The following FAT3 variants were observed in gnomAD, a reference collection of about 807,000 sequenced individuals.
FAT3 encodes FAT atypical cadherin 3.
FAT3 carries 95 observed loss-of-function variants against 310.2 expected under a neutral mutation model. The ratio of observed to expected loss-of-function variants is 0.31; its 90% CI spans 0.26 to 0.36. The LOEUF is 0.36. FAT3 is among the 10% of genes least tolerant of loss of function. The pLI, the probability that FAT3 is intolerant of heterozygous loss-of-function variation, is 1.00. For missense variants in FAT3, 5,408 were observed against 5,715.6 expected, an observed-to-expected ratio of 0.95 and a Z score of 1.74; for synonymous variants, 2,314 against 2,192.9, an observed-to-expected ratio of 1.06 and a Z score of -1.54.
chr11:92,366,767 C>T (rs1349168660), intron 2 of FAT3: 1 of 532,448 alleles, frequency 1.9e-6, no homozygotes, highest in Non-Finnish European at 3.8e-6. Context: ...GAGTAGAGCT[C>T]TGGTGGTAGT....
chr11:92,263,618 AGTGTGT>A (rs555917659), intron 1 of FAT3, among the ~76,000 whole-genome samples: 4 of 147,482 alleles, frequency 2.7e-5, no homozygotes, highest in Non-Finnish European at 4.5e-5. Flanking sequence ...TTTGAATATA[AGTGTGT>A]GTGTGTGTGT....
Position 92,895,210 on chromosome 11 carries a change from T to C in FAT3, c.*4097T>C, listed in dbSNP as rs1950005287. ...GGAAATGGAGATTTGAAGAGGCATT[T>C]ATTCCTTGTCATCATTTTGTGTGCT... On this transcript the variant is annotated 3_prime_UTR_variant, in exon 28 of 28. Transcript: ENST00000525166. 1 of 152,250 alleles carries C rather than the reference T, an allele frequency of 6.6e-6. No homozygotes were observed. The highest frequency in any genetic ancestry group is 2.4e-5 in the African/African-American group (1 of 41,470). 9.4% of individuals were successfully genotyped at this position (152,250 alleles called of 1,614,324 possible).
chr11:92,854,084 G>T, intron 19 of FAT3, among the ~76,000 whole-genome samples: 1 of 152,168 alleles, frequency 6.6e-6, no homozygotes, highest in Non-Finnish European at 1.5e-5. Flanking sequence ...CACCCCCGCA[G>T]CTTCCCTCCC....
chr11:92,402,941 A>G (rs1474217588), intron 2 of FAT3, among the ~76,000 whole-genome samples: 1 of 152,208 alleles, frequency 6.6e-6, no homozygotes, highest in East Asian at 1.9e-4. Context: ...CCTTAAAGGA[A>G]GGTGGGGGCA....
chr11:92,226,547 A>T (rs1297336438), intron 1 of FAT3, among the ~76,000 whole-genome samples: 1 of 151,604 alleles, frequency 6.6e-6, no homozygotes, highest in Non-Finnish European at 1.5e-5. Flanking sequence ...TGACATCCTG[A>T]GGCTGCAGCT....
chr11:92,680,408 A>G (rs1191706543), intron 3 of FAT3, among the ~76,000 whole-genome samples: 2 of 152,208 alleles, frequency 1.3e-5, no homozygotes, highest in East Asian at 3.8e-4. Context: ...GTCAAAGATA[A>G]GTTGGCAATA....
chr11:92,443,790 AAGGAGGAGGTAGG>A (rs1357364282), intron 2 of FAT3, among the ~76,000 whole-genome samples: 1 of 152,112 alleles, frequency 6.6e-6, no homozygotes, highest in Non-Finnish European at 1.5e-5. Context: ...GATGGTTACG[AAGGAGGAGGTAGG>A]AGGAGGAGTG....
chr11:92,833,567 C>CTAATA (rs1446294394), intron 14 of FAT3, among the ~76,000 whole-genome samples: 4 of 152,056 alleles, frequency 2.6e-5, no homozygotes, highest in Admixed American at 6.6e-5. Context: ...AATGCGTATT[C>CTAATA]TAATATAATA....
intron 2 of FAT3, among the ~76,000 whole-genome samples, chr11:92,360,535 AT>A (rs1377641863): frequency 1.3e-5 from 2 of 152,344 alleles, no homozygotes; most frequent in South Asian, 2.1e-4. Context: ...GTTTTACACC[AT>A]TTTAGAAAGA....
chr11:92,745,141 A>G (rs1945619967), intron 4 of FAT3, among the ~76,000 whole-genome samples: 1 of 152,230 alleles, frequency 6.6e-6, no homozygotes, highest in African/African-American at 2.4e-5. Flanking sequence ...AACTTAAAGC[A>G]TGAAGTCCAG....
intron 6 of FAT3, 37 bp downstream of exon 6, chr11:92,765,126 T>A: frequency 2.1e-6 from 3 of 1,421,964 alleles, no homozygotes; most frequent in Non-Finnish European, 1.9e-6. Context: ...TCATGCAATG[T>A]AATAATTGAC....
At chr11:92,430,956 T>TGCC (rs1285719978) in intron 2 of FAT3, among the ~76,000 whole-genome samples, 1 of 152,214 alleles carries the variant, frequency 6.6e-6, no homozygotes, top group Non-Finnish European at 1.5e-5. Flanking sequence ...TTGTGAATAG[T>TGCC]GCCGCAATAA....
At chr11:92,470,197 A>G (rs1308364811) in intron 2 of FAT3, among the ~76,000 whole-genome samples, 2 of 152,210 alleles carry the variant, frequency 1.3e-5, no homozygotes, top group Admixed American at 6.5e-5. Flanking sequence ...TCTCTCTTCC[A>G]TACTTGACCT....
intron 1 of FAT3, among the ~76,000 whole-genome samples, chr11:92,266,871 C>G (rs1410663607): frequency 6.6e-6 from 1 of 152,168 alleles, no homozygotes; most frequent in Admixed American, 6.5e-5. Flanking sequence ...CTCTGTGATT[C>G]ATGCTCCATA....
intron 7 of FAT3, among the ~76,000 whole-genome samples, chr11:92,784,280 A>G (rs1946831821): frequency 6.6e-6 from 1 of 152,264 alleles, no homozygotes; most frequent in Non-Finnish European, 1.5e-5. Flanking sequence ...TTATACATTC[A>G]AAAAGAAAAC....
chr11:92,260,940 G>A (rs774189636), intron 1 of FAT3, among the ~76,000 whole-genome samples: 5 of 152,058 alleles, frequency 3.3e-5, no homozygotes, highest in African/African-American at 4.8e-5. Flanking sequence ...CTTTTTGTCC[G>A]CAGATGTTAA....
chr11:92,231,604 C>G (rs544249156), intron 1 of FAT3, among the ~76,000 whole-genome samples: 5 of 152,202 alleles, frequency 3.3e-5, no homozygotes, highest in Non-Finnish European at 7.4e-5. Context: ...AAAATTGTAG[C>G]CTTTTCAGTA....
intron 1 of FAT3, among the ~76,000 whole-genome samples, chr11:92,351,813 A>G (rs562334615): frequency 6.6e-6 from 1 of 152,322 alleles, no homozygotes; most frequent in South Asian, 2.1e-4. Flanking sequence ...AATGTAAGAA[A>G]TCTTGTACCA....
chr11:92,485,385 C>T (rs2135210173), intron 2 of FAT3, among the ~76,000 whole-genome samples: 1 of 152,260 alleles, frequency 6.6e-6, no homozygotes, highest in Middle Eastern at 3.4e-3. Flanking sequence ...GCCCCAAGCG[C>T]CCTGAACAAA....
Sources: gnomAD v4.1 joint callset for allele counts (sites outside exome capture counted in the v4.1 genomes callset) on GRCh38, gnomAD v4.1.1 for gene constraint, MANE v1.5 for transcripts, NCBI Gene and HGNC (gene_info 2026-07-23, HGNC 2026-07-21) for gene names.